The following SLC25A36 variants were observed in gnomAD, a reference collection of about 807,000 sequenced individuals.
SLC25A36 encodes the protein solute carrier family 25 member 36.
In SLC25A36, 24 loss-of-function variants were observed where a neutral mutation model predicts 35.3. The observed-to-expected ratio is 0.68, with a 90% CI of 0.49 to 0.96. The LOEUF (loss-of-function observed/expected upper bound fraction) is 0.96, where lower values mean the gene tolerates loss of function less well. SLC25A36 is among the 40% of genes least tolerant of loss of function. The probability of loss-of-function intolerance (pLI) is 0.00; values close to 1 mark genes in which losing one functional copy is unlikely to be tolerated. For missense variants in SLC25A36, 294 were observed against 381.1 expected (o/e 0.77, Z 1.90); for synonymous variants, 141 against 132.2 (o/e 1.07, Z -0.46).
chr3:140,967,356 T>G (rs960277980), intron 4 of SLC25A36, among the ~76,000 whole-genome samples: 2 of 151,924 alleles, frequency 1.3e-5, no homozygotes, highest in African/African-American at 4.8e-5. Context: ...ATAGTTCTCT[T>G]TGCTTAGCAT....
At chr3:140,959,039 CAG>C (rs1283458240) in intron 2 of SLC25A36, among the ~76,000 whole-genome samples, 2 of 119,248 alleles carry the variant, frequency 1.7e-5, no homozygotes. Context: ...TTTTTGGAGA[CAG>C]AGTTTCGCTC....
At chr3:140,948,333 A>G (rs1436945940) in intron 1 of SLC25A36, among the ~76,000 whole-genome samples, 1 of 149,554 alleles carries the variant, frequency 6.7e-6, no homozygotes, top group Non-Finnish European at 1.5e-5. Flanking sequence ...AGTGATTGAT[A>G]TTTCTTTTTT....
chr3:140,966,656 A>G (rs1934768247), intron 4 of SLC25A36: 2 of 321,848 alleles, frequency 6.2e-6, no homozygotes, highest in Non-Finnish European at 1.2e-5. Flanking sequence ...CCTTTTGACA[A>G]GGTTAGCATT....
chr3:140,969,343 C>T (rs957114873), intron 4 of SLC25A36, among the ~76,000 whole-genome samples: 3 of 151,824 alleles, frequency 2.0e-5, no homozygotes, highest in African/African-American at 7.2e-5. Context: ...TCCTGGCAGC[C>T]TGCTCAACAC....
chr3:140,960,905 T>C (rs567686898), intron 3 of SLC25A36, among the ~76,000 whole-genome samples: 77 of 152,360 alleles, frequency 5.1e-4, no homozygotes, highest in African/African-American at 1.8e-3. Flanking sequence ...GTTTGGCTTA[T>C]GGGACAAACC....
chr3:140,964,719 T>G (rs1024907151), intron 4 of SLC25A36: 2 of 151,880 alleles, frequency 1.3e-5, no homozygotes, highest in Non-Finnish European at 3.0e-5. Context: ...AATGTTAATC[T>G]TATTTGAAAG....
Position 140,962,567 on chromosome 3 carries a change from GAATATAC to G in SLC25A36, c.285-559_285-553del, listed in dbSNP as rs2107801509. ...AATTACTGTGTGTGTAGTATAATTA[GAATATAC>G]CACAGTATCTTAAAATTGTTTAGCA... On this transcript the variant is annotated intron_variant, in intron 3 of 6. Transcript: ENST00000324194. Among the ~76,000 whole-genome samples the G allele has an allele frequency of 2.0e-5, 3 of 152,218 alleles. No individual in the cohort carries two copies. In the East Asian group the frequency reaches 5.8e-4, roughly 29 times the overall value.
intron 4 of SLC25A36, chr3:140,966,635 T>C (rs1004584137): frequency 3.1e-6 from 1 of 319,106 alleles, no homozygotes; most frequent in Non-Finnish European, 6.2e-6. Context: ...GATGATCCCC[T>C]CTAAATATTC....
At chr3:140,955,280 G>A (rs985653926) in intron 1 of SLC25A36, among the ~76,000 whole-genome samples, 1 of 151,902 alleles carries the variant, frequency 6.6e-6, no homozygotes, top group Non-Finnish European at 1.5e-5. Context: ...TGTGGAGGTA[G>A]AATTGTTTAG....
chr3:140,973,588 ATTG>A (rs1280178135), intron 5 of SLC25A36, 125 bp from the exon 6 acceptor site: 7 of 696,522 alleles, frequency 1.0e-5, no homozygotes, highest in Non-Finnish European at 1.2e-5. Context: ...AAATATGAAT[ATTG>A]TTTTAAAATT....
At chr3:140,946,873 A>G (rs1437734822) in intron 1 of SLC25A36, among the ~76,000 whole-genome samples, 1 of 152,180 alleles carries the variant, frequency 6.6e-6, no homozygotes. Context: ...GGATTGGACT[A>G]GGGATATATA....
At chr3:140,968,690 T>G (rs1934825958) in intron 4 of SLC25A36, 3 of 983,930 alleles carry the variant, frequency 3.0e-6, no homozygotes, top group Non-Finnish European at 3.6e-6. Flanking sequence ...CAGCCTCAAA[T>G]TCTTTTGTGA....
intron 2 of SLC25A36, 165 bp downstream of exon 2, chr3:140,956,856 GAACA>G: frequency 8.7e-7 from 1 of 1,145,672 alleles, no homozygotes. Context: ...TAATGGAGAA[GAACA>G]GTTAGACAGA....
chr3:140,960,919 CAGAT>C (rs754164425), intron 3 of SLC25A36, among the ~76,000 whole-genome samples: 3 of 152,170 alleles, frequency 2.0e-5, no homozygotes, highest in African/African-American at 4.8e-5. Context: ...ACAAACCAAA[CAGAT>C]AGAATGGTTG....
Position 140,974,010 on chromosome 3 carries a change from G to C in SLC25A36, c.742+5G>C. ...CAACTATAGCATATCCACATGGTAA[G>C]AAGAGTTATCTATTAAATCAGAAAT... is the stretch of plus-strand genomic sequence containing the variant. On this transcript the variant is annotated splice_donor_5th_base_variant and intron_variant, in intron 6 of 6. Coordinates refer to ENST00000324194, the MANE Select transcript of SLC25A36 (RefSeq NM_001104647.3). 1 of 1,513,448 alleles carries C rather than the reference G, an allele frequency of 6.6e-7. No homozygotes were observed. Among genetic ancestry groups the C allele is most frequent in the Non-Finnish European group, 8.9e-7 (1 of 1,124,980 alleles). 93.8% of individuals were successfully genotyped at this position (1,513,448 alleles called of 1,614,324 possible).
At chr3:140,946,881 A>G (rs1361008652) in intron 1 of SLC25A36, among the ~76,000 whole-genome samples, 2 of 152,164 alleles carry the variant, frequency 1.3e-5, no homozygotes, top group African/African-American at 2.4e-5. Flanking sequence ...CTAGGGATAT[A>G]TATTTAGTAG....
intron 5 of SLC25A36, among the ~76,000 whole-genome samples, chr3:140,972,071 A>G: frequency 6.6e-6 from 1 of 152,154 alleles, no homozygotes; most frequent in East Asian, 1.9e-4. Context: ...CAAAACTCCA[A>G]GTTTATTTCT....
intron 4 of SLC25A36, 195 bp downstream of exon 4, chr3:140,963,422 T>A: frequency 2.1e-6 from 1 of 472,648 alleles, no homozygotes; most frequent in Non-Finnish European, 3.7e-6. Context: ...AGTCAGGAGT[T>A]TACATGCTAG....
chr3:140,973,873 C>T lies in SLC25A36; in HGVS notation c.610C>T (p.Leu204=), dbSNP rs755408106. ...TATTTATGAAAGTATAAAACAAAAA[C>T]TACTGGAATATAAGACTGCTTCTAC... The part of the protein sequence containing the change: ...FVIYESIKQK[L]LEYKTASTME... Residue 204 remains leucine, a synonymous_variant, in exon 6 of 7, where the codon CTA becomes TTA. Transcript: ENST00000324194. The T allele has an allele frequency of 5.0e-6, 8 of 1,613,044 alleles. No homozygotes were observed. Among genetic ancestry groups the T allele is most frequent in the Middle Eastern group, 1.6e-4 (1 of 6,078 alleles).
Sources: allele counts gnomAD v4.1 joint callset (sites outside exome capture counted in the v4.1 genomes callset), GRCh38; gene constraint gnomAD v4.1.1; transcripts MANE v1.5; gene names NCBI Gene and HGNC (gene_info 2026-07-23, HGNC 2026-07-21).